The following DUSP6 variants were observed in gnomAD, a reference collection of about 807,000 sequenced individuals.
The protein encoded by DUSP6 is dual specificity phosphatase 6, also known as dual specificity protein phosphatase 6.
Under a neutral mutation model 28.0 loss-of-function variants are expected in DUSP6, and 6 were observed. The ratio of observed to expected loss-of-function variants is 0.21; its 90% CI spans 0.12 to 0.42. The LOEUF is 0.42. Among genes scored for constraint, DUSP6 ranks in the 10% least tolerant of loss-of-function variants. The pLI is 1.00. For missense variants in DUSP6, 451 were observed against 498.1 expected (o/e 0.91, Z 0.90); for synonymous variants, 252 against 217.5 (o/e 1.16, Z -1.40).
chr12:89,350,498 A>T, intron 2 of DUSP6, 90 bp downstream of exon 2: 3 of 1,302,910 alleles, frequency 2.3e-6, no homozygotes, highest in Non-Finnish European at 3.2e-6. Context: ...CAAATTAGCA[A>T]GCAGCAAGAA....
intron 2 of DUSP6, 116 bp downstream of exon 2, chr12:89,350,472 G>C (rs1472512875): frequency 5.7e-6 from 6 of 1,047,808 alleles, no homozygotes; most frequent in Non-Finnish European, 8.3e-6. Flanking sequence ...AGGAACATTA[G>C]AGACCTGCAG....
Position 89,351,046 on chromosome 12 carries a change from A to G in DUSP6, c.401-21T>C, listed in dbSNP as rs776709235. 4.5e-6 allele frequency: 7 copies of G among 1,557,440 alleles called. No individual in the cohort carries two copies. In the African/African-American group the frequency reaches 6.8e-5, roughly 15 times the overall value. On this transcript the variant is annotated intron_variant, in intron 1 of 2. Coordinates refer to ENST00000279488, the MANE Select transcript of DUSP6 (RefSeq NM_001946.4). ...GCCACCTGCCAGAACGAGAAAAGCA[A>G]TCATCTAACCTGAGAAGCCGTAGTA... is the stretch of plus-strand genomic sequence containing the variant.
At position 89,351,657 on chromosome 12, in the gene DUSP6, C is replaced by T. The variant is rs1269377852; in HGVS notation, c.383G>A (p.Arg128Gln). The T allele has an allele frequency of 5.0e-6, 8 of 1,603,060 alleles. No homozygotes were observed. The highest frequency in any genetic ancestry group is 2.7e-5 in the African/African-American group (2 of 74,664). The change falls in exon 1 of 3, where the codon CGG (arginine) becomes CAG (glutamine). Residue 128 changes from arginine to glutamine, a missense_variant. This residue lies in a region of DUSP6 where 347 missense variants were observed against 346.6 expected (regional missense o/e 1.00). Transcript: ENST00000279488. Reference protein sequence around the residue: ...LLKKLKDEGCRAFYLEGGFSK... With the variant: ...LLKKLKDEGCQAFYLEGGFSK... ...GCGCGTACCTTCCAGGTAGAACGCCCGGCAGCCCTCGTCCTTGAGCTTCTT... is the reference window on the plus strand; with the variant it reads ...GCGCGTACCTTCCAGGTAGAACGCCTGGCAGCCCTCGTCCTTGAGCTTCTT...
rs749843803 is a variant in DUSP6 at position 89,350,828 on chromosome 12, A to T, written c.598T>A (p.Ser200Thr). 14 of 1,613,992 alleles carry T rather than the reference A, an allele frequency of 8.7e-6. No homozygotes were observed. In the East Asian group the frequency reaches 2.0e-4, roughly 23 times the overall value. Residue 200 changes from serine to threonine, a missense_variant, in exon 2 of 3, where the codon TCC (serine) becomes ACC (threonine). Around this residue, in one of 2 missense-constraint regions of DUSP6, gnomAD observed 347 missense variants for 346.6 expected, o/e 1.00. Coordinates refer to ENST00000279488, the MANE Select transcript of DUSP6 (RefSeq NM_001946.4). The part of the protein sequence containing the change: ...SATDSDGSPL[S>T]NSQPSFPVEI... Reference sequence around the variant, plus strand: ...ACTGGGAAGGAAGGCTGGCTGTTGGACAGCGGACTACCATCCGAGTCTGTT... The same window carrying T: ...ACTGGGAAGGAAGGCTGGCTGTTGGTCAGCGGACTACCATCCGAGTCTGTT...
At position 89,347,475 on chromosome 12, in the gene DUSP6, G is replaced by A. The variant is rs1452980149; in HGVS notation, c.*1779C>T. 6.6e-6 allele frequency: 1 copy of A among 152,192 alleles called. No individual in the cohort carries two copies. Among genetic ancestry groups the A allele is most frequent in the African/African-American group, 2.4e-5 (1 of 41,436 alleles). The allele number at this position is 152,192 out of a possible 1,614,324, so 9.4% of individuals were successfully genotyped here. A position where few individuals can be genotyped will look rare whatever the true frequency, so the allele number is the denominator to read the frequency against. On this transcript the variant is annotated 3_prime_UTR_variant, in exon 3 of 3. Transcript: ENST00000279488. ...CTAAGTGCCAATGTAAAATTCTAAAGCCATATCCTGACACGGTGAGGAAGC... is the reference window on the plus strand; with the variant it reads ...CTAAGTGCCAATGTAAAATTCTAAAACCATATCCTGACACGGTGAGGAAGC...
rs1219975117 is a variant in DUSP6 at position 89,347,250 on chromosome 12, C to A, written c.*2004G>T. 3 of 152,148 alleles carry A rather than the reference C, an allele frequency of 2.0e-5. No individual in the cohort carries two copies. Among genetic ancestry groups the A allele is most frequent in the Admixed American group, 2.0e-4 (3 of 15,276 alleles). The allele number at this position is 152,148 out of a possible 1,614,324, so 9.4% of individuals were successfully genotyped here. On this transcript the variant is annotated 3_prime_UTR_variant, in exon 3 of 3. Transcript: ENST00000279488. ...GTTCTAGTTCTTTTGATTCCATACA[C>A]CTGCCTTTTATTTTGGTTTGTGTAT...
intron 2 of DUSP6, 32 bp from the exon 3 acceptor site, chr12:89,349,593 G>A: frequency 6.4e-7 from 1 of 1,559,764 alleles, no homozygotes; most frequent in East Asian, 2.3e-5. Flanking sequence ...CAAGATCTCA[G>A]CAGACTGAAA....
chr12:89,351,177 T>A, intron 1 of DUSP6, 152 bp from the exon 2 acceptor site: 5 of 880,972 alleles, frequency 5.7e-6, no homozygotes, highest in Non-Finnish European at 8.4e-6. Flanking sequence ...ACTTTAAATG[T>A]GCACCATCGG....
chr12:89,351,100 C>G, intron 1 of DUSP6, 75 bp from the exon 2 acceptor site: 4 of 1,475,456 alleles, frequency 2.7e-6, no homozygotes, highest in Non-Finnish European at 3.6e-6. Context: ...AACCGCAGCC[C>G]GGCGCAAGAA....
intron 1 of DUSP6, chr12:89,351,378 T>G: frequency 1.7e-6 from 1 of 600,548 alleles, no homozygotes; most frequent in Non-Finnish European, 2.8e-6. Flanking sequence ...TGGAGGATGT[T>G]CTGGCTAAGA....
Position 89,350,924 on chromosome 12 carries a change from C to T in DUSP6, c.502G>A (p.Gly168Arg). ...SSPPLPVLGL[G>R]GLRISSDSSS... ...GAGTCAGAGCTGATCCGCAGGCCCCCGAGCCCCAGCACTGGCAACGGCGGC... is the reference window on the plus strand; with the variant it reads ...GAGTCAGAGCTGATCCGCAGGCCCCTGAGCCCCAGCACTGGCAACGGCGGC... The change falls in exon 2 of 3, where the codon GGG becomes AGG. Residue 168 changes from glycine to arginine, a missense_variant. This residue lies in a region of DUSP6 where 347 missense variants were observed against 346.6 expected (regional missense o/e 1.00). Coordinates refer to ENST00000279488, the MANE Select transcript of DUSP6 (RefSeq NM_001946.4). The T allele has an allele frequency of 6.2e-7, 1 of 1,613,728 alleles. No homozygotes were observed. Among genetic ancestry groups the T allele is most frequent in the South Asian group, 1.1e-5 (1 of 91,078 alleles).
intron 1 of DUSP6, chr12:89,351,394 C>T (rs1879182378): frequency 4.7e-6 from 3 of 633,412 alleles, no homozygotes; most frequent in African/African-American, 1.8e-5. Context: ...TAAGAAGGCG[C>T]AGAACCCGTT....
In DUSP6 at chr12:89,351,851, C is replaced by T; in HGVS notation, c.189G>A (p.Leu63=). The part of the protein sequence containing the change: ...AINVAIPGIM[L]RRLQKGNLPV... ...GCAGGTTACCCTTCTGCAGGCGCCG[C>T]AGCATGATGCCCGGGATGGCCACGT... The change falls in exon 1 of 3, where the codon CTG becomes CTA. Residue 63 remains leucine (L), a synonymous_variant. Coordinates refer to ENST00000279488, the MANE Select transcript of DUSP6 (RefSeq NM_001946.4). 6.2e-7 allele frequency: 1 copy of T among 1,612,192 alleles called. No homozygotes were observed. The highest frequency in any genetic ancestry group is 1.6e-4 in the Middle Eastern group (1 of 6,062).
In DUSP6 at chr12:89,350,577, A is replaced by C. The variant is rs1879146858; in HGVS notation, c.838+11T>G. The C allele has an allele frequency of 9.3e-6, 15 of 1,607,992 alleles. No individual in the cohort carries two copies. The highest frequency in any genetic ancestry group is 9.4e-6 in the Non-Finnish European group (11 of 1,175,616). On this transcript the variant is annotated intron_variant, in intron 2 of 2. Transcript: ENST00000279488. ...TTAAATGTCAGAGCGACGACTATTA[A>C]TTAGTCTCACCTATGAAAGAAATGG...
chr12:89,349,337 TG>T lies in DUSP6; in HGVS notation c.1062del (p.Asp354GlufsTer71). The T allele has an allele frequency of 6.2e-7, 1 of 1,614,176 alleles. No homozygotes were observed. The highest frequency in any genetic ancestry group is 8.5e-7 in the Non-Finnish European group (1 of 1,180,018). The part of the protein sequence containing the change: ...ERTLGLSSPC[D>X]NRVPAQQLYF... ...TACAGCTGCTGTGCTGGAACCCTGT[TG>T]TCACATGGGCTGCTGAGTCCCAGCG... is the stretch of plus-strand genomic sequence containing the variant. On this transcript the variant is annotated frameshift_variant, in exon 3 of 3. Coordinates refer to ENST00000279488, the MANE Select transcript of DUSP6 (RefSeq NM_001946.4). LOFTEE classifies it high-confidence loss of function.
At chr12:89,351,102 G>A in intron 1 of DUSP6, 77 bp from the exon 2 acceptor site, 1 of 1,470,048 alleles carries the variant, frequency 6.8e-7, no homozygotes, top group Non-Finnish European at 9.1e-7. Context: ...CCGCAGCCCG[G>A]CGCAAGAAAC....
chr12:89,351,730 C>T lies in DUSP6; in HGVS notation c.310G>A (p.Asp104Asn). 6.2e-7 allele frequency: 1 copy of T among 1,606,256 alleles called. No homozygotes were observed. Among genetic ancestry groups the T allele is most frequent in the Non-Finnish European group, 8.5e-7 (1 of 1,177,202 alleles). The change falls in exon 1 of 3, where the codon GAC (aspartate) becomes AAC (asparagine). Residue 104 changes from aspartate (D) to asparagine (N), a missense_variant. This residue lies in a region of DUSP6 where 347 missense variants were observed against 346.6 expected (regional missense o/e 1.00). Transcript: ENST00000279488. ...TCGCCGCCCGTATTCTCGTTCCAGTCGCTGCTGCTCTCGTCGTAGAGCACC... is the reference window on the plus strand; with the variant it reads ...TCGCCGCCCGTATTCTCGTTCCAGTTGCTGCTGCTCTCGTCGTAGAGCACC... ...TVVLYDESSS[D>N]WNENTGGESV...
intron 2 of DUSP6, among the ~76,000 whole-genome samples, chr12:89,349,958 A>T (rs1192269719): frequency 6.6e-6 from 1 of 152,180 alleles, no homozygotes; most frequent in Non-Finnish European, 1.5e-5. Flanking sequence ...GCATTTTAAA[A>T]GAGAGAGGGA....
chr12:89,349,140 C>T lies in DUSP6; in HGVS notation c.*114G>A. 1.7e-6 allele frequency: 2 copies of T among 1,144,454 alleles called. No individual in the cohort carries two copies. The highest frequency in any genetic ancestry group is 3.0e-5 in the South Asian group (2 of 67,388). 70.9% of individuals were successfully genotyped at this position (1,144,454 alleles called of 1,614,324 possible). ...TGGTAACCTTGTCTAGTACAGACAG[C>T]TGGTGTCATTTTGACACCTGGGGCC... is the stretch of plus-strand genomic sequence containing the variant. On this transcript the variant is annotated 3_prime_UTR_variant, in exon 3 of 3. Coordinates refer to ENST00000279488, the MANE Select transcript of DUSP6 (RefSeq NM_001946.4).
Sources: gnomAD v4.1 joint callset for allele counts (sites outside exome capture counted in the v4.1 genomes callset) on GRCh38, gnomAD v4.1.1 for gene constraint, gnomAD v4.1.1 regional missense constraint, MANE v1.5 for transcripts, NCBI Gene and HGNC (gene_info 2026-07-23, HGNC 2026-07-21) for gene names.